Variants in TPH2 observed in about 807,000 individuals in gnomAD.
The protein encoded by TPH2 is tryptophan hydroxylase 2.
A neutral mutation model predicts 59.1 loss-of-function variants in TPH2; 27 were observed. That is an observed-to-expected ratio of 0.46 (90% CI 0.34 to 0.63). The LOEUF is 0.63. TPH2 is among the 30% of genes least tolerant of loss of function. TPH2 has a pLI of 0.01. For synonymous variants in TPH2, 220 were observed against 210.5 expected (o/e 1.05, Z -0.39); for missense variants, 523 against 588.3 (o/e 0.89, Z 1.15).
At chr12:72,005,983 C>T (rs1408948306) in intron 8 of TPH2, among the ~76,000 whole-genome samples, 1 of 152,064 alleles carries the variant, frequency 6.6e-6, no homozygotes, top group East Asian at 1.9e-4. Flanking sequence ...TAAAGCTCCC[C>T]CTCTGCACTT....
At chr12:71,970,165 C>T (rs901494804) in intron 5 of TPH2, among the ~76,000 whole-genome samples, 2 of 152,032 alleles carry the variant, frequency 1.3e-5, no homozygotes, top group African/African-American at 4.8e-5. Flanking sequence ...TAAAGAGTTA[C>T]CTGGGGTGTG....
intron 8 of TPH2, among the ~76,000 whole-genome samples, chr12:72,000,736 T>A (rs1210717443): frequency 1.3e-5 from 2 of 152,236 alleles, no homozygotes; most frequent in Non-Finnish European, 2.9e-5. Flanking sequence ...AGTGTATTTA[T>A]GACTTATTCA....
At chr12:71,958,304 A>G (rs749966782) in intron 5 of TPH2, among the ~76,000 whole-genome samples, 20 of 152,162 alleles carry the variant, frequency 1.3e-4, no homozygotes, top group Non-Finnish European at 2.5e-4. Context: ...GTAGAATCTA[A>G]ATGTCTGCTC....
In TPH2 at chr12:71,979,077, A is replaced by G; in HGVS notation, c.931A>G (p.Thr311Ala). Reference sequence around the variant, plus strand: ...CCGGCATGGCTCAGATCCCCTCTACACCCCAGAACCGTGAGTACCTACATT... The same window carrying G: ...CCGGCATGGCTCAGATCCCCTCTACGCCCCAGAACCGTGAGTACCTACATT... ...YIRHGSDPLYTPEPDTCHELL... is the reference protein window; with the variant it reads ...YIRHGSDPLYAPEPDTCHELL... The change falls in exon 7 of 11, where the codon ACC becomes GCC. Residue 311 changes from threonine to alanine, a missense_variant. Thr to Ala is a moderately conservative substitution (Grantham distance 58, BLOSUM62 0). Coordinates refer to ENST00000333850, the MANE Select transcript of TPH2 (RefSeq NM_173353.4). 6.2e-7 allele frequency: 1 copy of G among 1,613,898 alleles called. No homozygotes were observed. The highest frequency in any genetic ancestry group is 2.2e-5 in the East Asian group (1 of 44,864).
At chr12:71,980,068 G>T (rs1481304254) in intron 7 of TPH2, among the ~76,000 whole-genome samples, 1 of 152,100 alleles carries the variant, frequency 6.6e-6, no homozygotes, top group Non-Finnish European at 1.5e-5. Context: ...GAGAGTCCTG[G>T]GTGCTGTTTT....
chr12:71,941,163 A>C (rs1418601139), intron 1 of TPH2, among the ~76,000 whole-genome samples: 1 of 152,166 alleles, frequency 6.6e-6, no homozygotes, highest in Non-Finnish European at 1.5e-5. Flanking sequence ...ATTTTCAAAA[A>C]TATGTTTGAT....
intron 8 of TPH2, among the ~76,000 whole-genome samples, chr12:72,010,339 A>G (rs1168790355): frequency 6.6e-6 from 1 of 152,212 alleles, no homozygotes; most frequent in Non-Finnish European, 1.5e-5. Flanking sequence ...AATGCCTTCT[A>G]GAAGTTCAAT....
At chr12:72,005,442 G>T (rs1028702351) in intron 8 of TPH2, among the ~76,000 whole-genome samples, 17 of 152,068 alleles carry the variant, frequency 1.1e-4, no homozygotes, top group African/African-American at 4.1e-4. Flanking sequence ...GGAAAATAAA[G>T]ATCATCTGCA....
intron 2 of TPH2, among the ~76,000 whole-genome samples, chr12:71,943,412 G>C (rs185700866): frequency 1.8e-3 from 273 of 152,172 alleles, no homozygotes; most frequent in African/African-American, 6.3e-3. Context: ...AGAGAACAGA[G>C]TCTTCAATTA....
intron 5 of TPH2, among the ~76,000 whole-genome samples, chr12:71,959,726 G>A (rs1871624243): frequency 1.3e-5 from 2 of 152,096 alleles, no homozygotes; most frequent in African/African-American, 2.4e-5. Flanking sequence ...TTAATTGGAA[G>A]CATAACAAGT....
intron 5 of TPH2, chr12:71,962,216 G>C (rs1871706017): frequency 1.0e-6 from 1 of 985,890 alleles, no homozygotes; most frequent in Non-Finnish European, 1.2e-6. Context: ...GCATCATTTA[G>C]ATGGTTGTTA....
intron 8 of TPH2, among the ~76,000 whole-genome samples, chr12:72,017,399 A>G (rs1351832660): frequency 6.6e-6 from 1 of 152,196 alleles, no homozygotes; most frequent in Non-Finnish European, 1.5e-5. Flanking sequence ...CTATTCTTCC[A>G]TAAAAGAGGT....
chr12:71,989,429 G>A (rs921426036), intron 7 of TPH2, among the ~76,000 whole-genome samples: 2 of 152,106 alleles, frequency 1.3e-5, no homozygotes, highest in African/African-American at 4.8e-5. Flanking sequence ...ACCCTATTTT[G>A]GCTCCCAGCT....
chr12:72,003,725 G>T (rs1872881760), intron 8 of TPH2, among the ~76,000 whole-genome samples: 1 of 152,104 alleles, frequency 6.6e-6, no homozygotes, highest in Non-Finnish European at 1.5e-5. Flanking sequence ...TTTATATTAT[G>T]ATGAGAACAC....
chr12:71,989,100 TAAAA>T (rs34334884), intron 7 of TPH2, among the ~76,000 whole-genome samples: 1 of 116,264 alleles, frequency 8.6e-6, no homozygotes, highest in Admixed American at 8.7e-5. Context: ...CTGGCTTTAT[TAAAA>T]AAAAAAAAAA....
chr12:71,950,125 G>C (rs900062915), intron 5 of TPH2, among the ~76,000 whole-genome samples: 4 of 152,136 alleles, frequency 2.6e-5, no homozygotes, highest in African/African-American at 9.7e-5. Flanking sequence ...TAAACTGCAG[G>C]GGTTATGAAG....
intron 5 of TPH2, among the ~76,000 whole-genome samples, chr12:71,963,367 G>GTA (rs1413194899): frequency 2.2e-5 from 1 of 44,784 alleles, no homozygotes; most frequent in African/African-American, 6.2e-5. Flanking sequence ...TTTACTGTGT[G>GTA]TATATATATA....
chr12:71,996,992 A>C (rs149271213), intron 8 of TPH2, among the ~76,000 whole-genome samples: 2 of 152,212 alleles, frequency 1.3e-5, no homozygotes, highest in Non-Finnish European at 2.9e-5. Flanking sequence ...GAGAAAAGAT[A>C]GTCAAGTGGA....
At chr12:72,012,710 C>G (rs571726489) in intron 8 of TPH2, among the ~76,000 whole-genome samples, 1 of 152,366 alleles carries the variant, frequency 6.6e-6, no homozygotes, top group African/African-American at 2.4e-5. Flanking sequence ...TGTGGGCCAA[C>G]TCCTTGGGTG....
Sources: allele counts gnomAD v4.1 joint callset (sites outside exome capture counted in the v4.1 genomes callset), GRCh38; gene constraint gnomAD v4.1.1; transcripts MANE v1.5; gene names NCBI Gene and HGNC (gene_info 2026-07-23, HGNC 2026-07-21).